ZFP69: variants seen among roughly 807,000 people sequenced by gnomAD.
ZFP69 encodes the protein ZFP69 zinc finger protein.
In ZFP69, 35 loss-of-function variants were observed where a neutral mutation model predicts 48.9. That is an observed-to-expected ratio of 0.72 (90% CI 0.55 to 0.95). ZFP69 has a LOEUF of 0.95. Ranked by LOEUF, ZFP69 falls within the 40% of genes least tolerant of loss-of-function variation. ZFP69 has a pLI of 0.00. For missense variants in ZFP69, 557 were observed against 638.4 expected (o/e 0.87, Z 1.37); for synonymous variants, 193 against 216.8 (o/e 0.89, Z 0.96).
At chr1:40,491,957 T>C (rs1448765866) in intron 5 of ZFP69, among the ~76,000 whole-genome samples, 1 of 152,120 alleles carries the variant, frequency 6.6e-6, no homozygotes, top group Non-Finnish European at 1.5e-5. Context: ...TGTTACTGAA[T>C]TTATCAGGAT....
chr1:40,490,289 C>T (rs1411786959), intron 5 of ZFP69, among the ~76,000 whole-genome samples: 1 of 152,150 alleles, frequency 6.6e-6, no homozygotes, highest in Non-Finnish European at 1.5e-5. Flanking sequence ...CCAGGCCCCA[C>T]CTGCAACACT....
Position 40,479,336 on chromosome 1 carries a change from T to C in ZFP69, c.-26T>C. The C allele has an allele frequency of 6.2e-7, 1 of 1,612,380 alleles. No individual in the cohort carries two copies. The highest frequency in any genetic ancestry group is 8.5e-7 in the Non-Finnish European group (1 of 1,179,232). On this transcript the variant is annotated 5_prime_UTR_variant, in exon 2 of 6. Coordinates refer to ENST00000372706, the MANE Select transcript of ZFP69 (RefSeq NM_001320179.2). Reference sequence around the variant, plus strand: ...CTTCTGGCAATTTCCTCACCAGAAGTGGACAAGTCCAGTAAGGCAGGCATC... The same window carrying C: ...CTTCTGGCAATTTCCTCACCAGAAGCGGACAAGTCCAGTAAGGCAGGCATC...
At chr1:40,492,484 C>G (rs913046149) in intron 5 of ZFP69, among the ~76,000 whole-genome samples, 5 of 152,080 alleles carry the variant, frequency 3.3e-5, no homozygotes, top group Non-Finnish European at 7.4e-5. Context: ...TCTGTCCTTA[C>G]TCTAATGCCA....
chr1:40,489,764 G>A, intron 5 of ZFP69, 140 bp downstream of exon 5: 1 of 591,876 alleles, frequency 1.7e-6, no homozygotes, highest in Non-Finnish European at 2.9e-6. Flanking sequence ...TCTGCTCCTG[G>A]TGAGGGCCTC....
chr1:40,495,414 A>G lies in ZFP69; in HGVS notation c.936A>G (p.Ala312=). Residue 312 remains alanine, a synonymous_variant, in exon 6 of 6, where the codon GCA becomes GCG. Transcript: ENST00000372706. Reference sequence around the variant, plus strand: ...GTGGAAGGGCCTTTAGTCAAAGTGCATCCCTCAGTACACACCAGAGAATCC... The same window carrying G: ...GTGGAAGGGCCTTTAGTCAAAGTGCGTCCCTCAGTACACACCAGAGAATCC... ...KECGRAFSQS[A]SLSTHQRIHT... 1 of 1,614,196 alleles carries G rather than the reference A, an allele frequency of 6.2e-7. No individual in the cohort carries two copies. Among genetic ancestry groups the G allele is most frequent in the Non-Finnish European group, 8.5e-7 (1 of 1,180,026 alleles).
chr1:40,487,124 C>T (rs375402871), intron 3 of ZFP69, among the ~76,000 whole-genome samples: 227 of 151,878 alleles, frequency 1.5e-3, no homozygotes, highest in African/African-American at 5.4e-3. Flanking sequence ...AGGGTTTCAC[C>T]ATGTTGGCCA....
At position 40,479,445 on chromosome 1, in the gene ZFP69, G is replaced by T; in HGVS notation, c.84G>T (p.Gly28=). The part of the protein sequence containing the change: ...KLQHPKKAVE[G]APLWEDVTKM... The stretch of plus-strand genomic sequence containing the variant: ...AACATCCAAAGAAGGCCGTGGAGGG[G>T]GCGCCCCTGTGGGAGGATGTGACTA... Residue 28 remains glycine, a synonymous_variant, in exon 2 of 6, where the codon GGG becomes GGT. Transcript: ENST00000372706. 6.2e-7 allele frequency: 1 copy of T among 1,614,064 alleles called. No individual in the cohort carries two copies. The highest frequency in any genetic ancestry group is 8.5e-7 in the Non-Finnish European group (1 of 1,179,928).
rs1645573710 is a variant in ZFP69, at chr1:40,491,952, C to T, written c.442+2328C>T. On this transcript the variant is annotated intron_variant, in intron 5 of 5. Transcript: ENST00000372706. ...ACGTGAGTTTCTAAATTTAATGTTA[C>T]TGAATTTATCAGGATTTTCTTTATT... Among the ~76,000 whole-genome samples, 4 of 151,990 alleles carry T rather than the reference C, an allele frequency of 2.6e-5. No individual in the cohort carries two copies. In the South Asian group the frequency reaches 8.3e-4, roughly 32 times the overall value.
rs759659366 is a variant in ZFP69, at chr1:40,481,801, A to C, written c.166A>C (p.Arg56=). ...SQDAEDVKTQ[R]ESLEDEVTPG... is the part of the protein sequence containing the mutation. ...GGATGCTGAGGACGTAAAGACCCAGAGAGAAAGTTTAGAGGATGAAGTGAC... is the reference window on the plus strand; with the variant it reads ...GGATGCTGAGGACGTAAAGACCCAGCGAGAAAGTTTAGAGGATGAAGTGAC... Residue 56 remains arginine, a synonymous_variant, in exon 3 of 6, where the codon AGA becomes CGA. Coordinates refer to ENST00000372706, the MANE Select transcript of ZFP69 (RefSeq NM_001320179.2). The C allele has an allele frequency of 1.1e-5, 18 of 1,612,964 alleles. No individual in the cohort carries two copies. In the South Asian group the frequency reaches 1.5e-4, roughly 14 times the overall value.
intron 5 of ZFP69, chr1:40,493,492 G>A (rs1208968128): frequency 6.6e-6 from 1 of 152,072 alleles, no homozygotes; most frequent in Non-Finnish European, 1.5e-5. Context: ...CTTGACTTTA[G>A]TAAAATGCCT....
Position 40,477,339 on chromosome 1 carries a change from G to T in ZFP69, c.-882G>T, listed in dbSNP as rs1645398390. On this transcript the variant is annotated 5_prime_UTR_variant, in exon 1 of 6. Coordinates refer to ENST00000372706, the MANE Select transcript of ZFP69 (RefSeq NM_001320179.2). This position sits in a 1 kb window ranked among gnomAD's most constrained non-coding sequence, Gnocchi z 4.0. Reference sequence around the variant, plus strand: ...TGTGGCAGCTGCAGCGGGACCGCGTGGGGTGGGCCCCGGGACCGCCAGGGC... The same window carrying T: ...TGTGGCAGCTGCAGCGGGACCGCGTTGGGTGGGCCCCGGGACCGCCAGGGC... The T allele has an allele frequency of 6.6e-6, 1 of 152,118 alleles. No homozygotes were observed. Among genetic ancestry groups the T allele is most frequent in the Non-Finnish European group, 1.5e-5 (1 of 68,016 alleles). The allele number at this position is 152,118 out of a possible 1,614,324, so 9.4% of individuals were successfully genotyped here.
intron 2 of ZFP69, 78 bp from the exon 3 acceptor site, chr1:40,481,685 T>C (rs1645444945): frequency 7.8e-6 from 9 of 1,146,954 alleles, no homozygotes; most frequent in East Asian, 2.4e-5. Flanking sequence ...AGGAGCCACA[T>C]TGAGTGGGTC....
At position 40,496,216 on chromosome 1, in the gene ZFP69, T is replaced by TAACA; in HGVS notation, c.*158_*161dup. The TAACA allele has an allele frequency of 1.6e-6, 1 of 631,800 alleles. No homozygotes were observed. Among genetic ancestry groups the TAACA allele is most frequent in the Non-Finnish European group, 2.5e-6 (1 of 395,964 alleles). The allele number at this position is 631,800 out of a possible 1,614,324, so 39.1% of individuals were successfully genotyped here. On this transcript the variant is annotated 3_prime_UTR_variant, in exon 6 of 6. Transcript: ENST00000372706. Reference sequence around the variant, plus strand: ...CATTACATTGACAGGTATTGACTACTAACACCTCTAAAAAGTACTTAAGAT... The same window carrying TAACA: ...CATTACATTGACAGGTATTGACTACTAACAAACACCTCTAAAAAGTACTTAAGAT...
chr1:40,491,336 C>G (rs117750295), intron 5 of ZFP69, among the ~76,000 whole-genome samples: 291 of 152,258 alleles, frequency 1.9e-3, no homozygotes, highest in East Asian at 8.1e-3. Flanking sequence ...GTGTACATAA[C>G]TTCTTGTATA....
rs143728166 is a variant in ZFP69, at chr1:40,478,402, T to G, written c.-327+508T>G. ...TTGAAGACATACCCTCTTCCCCAAT[T>G]TTAACATTTCTGAAACCAAGATGCA... is the stretch of plus-strand genomic sequence containing the variant. On this transcript the variant is annotated intron_variant, in intron 1 of 5. Coordinates refer to ENST00000372706, the MANE Select transcript of ZFP69 (RefSeq NM_001320179.2). 1.4e-3 allele frequency among the ~76,000 whole-genome samples: 212 copies of G among 152,250 alleles called. 1 individual carries two copies. The highest frequency in any genetic ancestry group is 5.0e-3 in the African/African-American group (208 of 41,562).
At chr1:40,479,553 A>C in intron 2 of ZFP69, 65 bp downstream of exon 2, 3 of 1,498,426 alleles carry the variant, frequency 2.0e-6, no homozygotes, top group Non-Finnish European at 2.7e-6. Flanking sequence ...ATAGGTACAC[A>C]CTTCATTGAA....
chr1:40,494,218 T>A (rs1645597917), intron 5 of ZFP69, among the ~76,000 whole-genome samples: 1 of 151,486 alleles, frequency 6.6e-6, no homozygotes, highest in Admixed American at 6.6e-5. Flanking sequence ...TGAAATTTTA[T>A]TACTTAGTAT....
rs559506806 is a variant in ZFP69, at chr1:40,495,683, T to G, written c.1205T>G (p.Ile402Arg). ...FRQIRHLSEH[I>R]RIHTGEKPYA... ...CAGATTAGACACCTTAGTGAACATATAAGAATTCATACCGGGGAGAAGCCC... is the reference window on the plus strand; with the variant it reads ...CAGATTAGACACCTTAGTGAACATAGAAGAATTCATACCGGGGAGAAGCCC... The change falls in exon 6 of 6, where the codon ATA becomes AGA. Residue 402 changes from isoleucine (I) to arginine (R), a missense_variant. Transcript: ENST00000372706. 4 of 1,614,180 alleles carry G rather than the reference T, an allele frequency of 2.5e-6. No individual in the cohort carries two copies. The highest frequency in any genetic ancestry group is 3.4e-6 in the Non-Finnish European group (4 of 1,180,036).
At chr1:40,487,779 GC>G (rs2124451324) in intron 3 of ZFP69, among the ~76,000 whole-genome samples, 1 of 150,474 alleles carries the variant, frequency 6.6e-6, no homozygotes, top group South Asian at 2.1e-4. Context: ...GGGCGCGGTG[GC>G]TCACGCCTGT....
Sources: allele counts gnomAD v4.1 joint callset (sites outside exome capture counted in the v4.1 genomes callset), GRCh38; gene constraint gnomAD v4.1.1; non-coding constraint Gnocchi (gnomAD v3.1); transcripts MANE v1.5; gene names NCBI Gene and HGNC (gene_info 2026-07-23, HGNC 2026-07-21).